The following CEP44 variants were observed in gnomAD, a reference collection of about 807,000 sequenced individuals.
The protein encoded by CEP44 is centrosomal protein of 44 kDa.
In CEP44, 45 loss-of-function variants were observed where a neutral mutation model predicts 46.7. That is an observed-to-expected ratio of 0.96 (90% CI 0.76 to 1.24). The LOEUF is 1.24. Ranked by LOEUF, CEP44 falls within the 50% of genes most tolerant of loss-of-function variation. The probability of loss-of-function intolerance (pLI) is 0.00; values close to 1 mark genes in which losing one functional copy is unlikely to be tolerated. For missense variants in CEP44, 475 were observed against 459.7 expected (o/e 1.03, Z -0.30); for synonymous variants, 142 against 146.0 (o/e 0.97, Z 0.20).
chr4:174,300,794 G>A (rs1340756159), intron 3 of CEP44, among the ~76,000 whole-genome samples: 7 of 151,758 alleles, frequency 4.6e-5, no homozygotes. Context: ...TTTTGTGTTG[G>A]CATCTGTTTT....
chr4:174,318,608 AT>A lies in CEP44; in HGVS notation c.*1233del, dbSNP rs1246140702. 43 of 707,880 alleles carry A rather than the reference AT, an allele frequency of 6.1e-5. No individual in the cohort carries two copies. The highest frequency in any genetic ancestry group is 6.9e-5 in the Non-Finnish European group (40 of 578,002). 43.8% of individuals were successfully genotyped at this position (707,880 alleles called of 1,614,324 possible). On this transcript the variant is annotated 3_prime_UTR_variant, in exon 12 of 12. Transcript: ENST00000503780. ...TTCATTATTTGGAAGGAAAATTAGT[AT>A]TTTTTTTAATATTATATGGACCATC...
downstream of CEP44, among the ~76,000 whole-genome samples, chr4:174,323,823 G>T (rs977463666): frequency 1.3e-5 from 2 of 152,056 alleles, no homozygotes; most frequent in Non-Finnish European, 2.9e-5. Flanking sequence ...GCCATTGGAG[G>T]CTCAGTGGAG....
chr4:174,303,817 A>G lies in CEP44; in HGVS notation c.352A>G (p.Lys118Glu). Residue 118 changes from lysine to glutamate, a missense_variant, in exon 5 of 12, where the codon AAA becomes GAA. By Grantham distance (56) the Lys-to-Glu change is moderately conservative. Coordinates refer to ENST00000503780, the MANE Select transcript of CEP44 (RefSeq NM_001040157.3). ...IVCDILNCVM[K>E]KHKELSSLQK... The stretch of plus-strand genomic sequence containing the variant: ...TTGTGATATTTTGAATTGTGTGATG[A>G]AAAAGCACAAGGAATTAAGCAGTCT... The G allele has an allele frequency of 6.4e-7, 1 of 1,572,584 alleles. No individual in the cohort carries two copies. Among genetic ancestry groups the G allele is most frequent in the Admixed American group, 1.7e-5 (1 of 59,510 alleles).
chr4:174,331,624 T>A lies in CEP44; in HGVS notation c.*29T>A. 6.5e-7 allele frequency: 1 copy of A among 1,547,016 alleles called. No homozygotes were observed. The highest frequency in any genetic ancestry group is 8.7e-7 in the Non-Finnish European group (1 of 1,144,482). On this transcript the variant is annotated 3_prime_UTR_variant, in exon 9 of 9. Coordinates refer to the CEP44 transcript ENST00000426172. This position sits in a 1 kb window ranked among gnomAD's most constrained non-coding sequence, Gnocchi z 4.5. ...CTGTTTCTTGGATCCTGTGCTTACC[T>A]TTTCCTGCTGTACTCTGATGTTTCA...
intron 10 of CEP44, 83 bp from the exon 11 acceptor site, chr4:174,316,447 C>T: frequency 7.2e-7 from 1 of 1,391,258 alleles, no homozygotes; most frequent in Non-Finnish European, 1.0e-6. Flanking sequence ...ATGTTTCAAA[C>T]TGTGTTTTGT....
At chr4:174,332,517 T>G (rs1457104407) in exon 9 of CEP44, 1 of 152,242 alleles carries the variant, frequency 6.6e-6, no homozygotes, top group Non-Finnish European at 1.5e-5. Context: ...TGACAACATA[T>G]AATTGTTTTC....
chr4:174,295,468 A>G (rs1484175773), intron 1 of CEP44, among the ~76,000 whole-genome samples: 4 of 131,898 alleles, frequency 3.0e-5, no homozygotes, highest in South Asian at 2.7e-4. Context: ...CCTAGATGGG[A>G]TGGCGGCCGG....
intron 8 of CEP44, among the ~76,000 whole-genome samples, chr4:174,327,154 C>CGT (rs746480265): frequency 3.5e-5 from 5 of 143,138 alleles, no homozygotes; most frequent in South Asian, 2.2e-4. Flanking sequence ...TGTGTGTATA[C>CGT]GTGTGTGTGT....
intron 8 of CEP44, among the ~76,000 whole-genome samples, chr4:174,328,537 T>C (rs1338631886): frequency 6.6e-6 from 1 of 152,196 alleles, no homozygotes; most frequent in Non-Finnish European, 1.5e-5. Context: ...AAGACAGTGT[T>C]TGAAATGCTG....
chr4:174,306,986 T>A (rs1046102625), intron 6 of CEP44, among the ~76,000 whole-genome samples: 2 of 152,128 alleles, frequency 1.3e-5, no homozygotes, highest in Non-Finnish European at 2.9e-5. Context: ...TGGAAAAACA[T>A]TCCATGCTCA....
downstream of CEP44, among the ~76,000 whole-genome samples, chr4:174,323,300 G>A (rs985848072): frequency 6.6e-6 from 1 of 152,066 alleles, no homozygotes; most frequent in African/African-American, 2.4e-5. Context: ...GGCCTTGAGA[G>A]GTTTTCCCCC....
chr4:174,319,964 T>C lies in CEP44; in HGVS notation c.*2581T>C. 1 of 985,234 alleles carries C rather than the reference T, an allele frequency of 1.0e-6. No individual in the cohort carries two copies. The highest frequency in any genetic ancestry group is 1.2e-6 in the Non-Finnish European group (1 of 829,738). 61.0% of individuals were successfully genotyped at this position (985,234 alleles called of 1,614,324 possible). A position where few individuals can be genotyped will look rare whatever the true frequency, so the allele number is the denominator to read the frequency against. ...TGAAGCAGGGGAGTTCTGAAGAGAT[T>C]ACCTAGAGCTACATAACCCTAAGTT... On this transcript the variant is annotated 3_prime_UTR_variant, in exon 12 of 12. Transcript: ENST00000503780.
In CEP44 at chr4:174,284,419, G is replaced by C. The variant is rs1737323484; in HGVS notation, c.-148+476G>C. Among the ~76,000 whole-genome samples the C allele has an allele frequency of 2.0e-5, 3 of 152,298 alleles. No individual in the cohort carries two copies. The South Asian group carries it at 6.2e-4, about 32-fold the overall frequency. On this transcript the variant is annotated intron_variant, in intron 1 of 11. Coordinates refer to ENST00000503780, the MANE Select transcript of CEP44 (RefSeq NM_001040157.3). ...CTTACTGATTCCTATTGGATCCTCT[G>C]GGGTGAGGATACAAACGGCTCCTGA...
intron 1 of CEP44, among the ~76,000 whole-genome samples, chr4:174,294,885 G>A (rs1168928344): frequency 7.2e-6 from 1 of 138,988 alleles, no homozygotes; most frequent in African/African-American, 2.7e-5. Flanking sequence ...CGGACGGGGC[G>A]GCTGGCCGGG....
chr4:174,327,446 G>A (rs1281291442), intron 8 of CEP44, among the ~76,000 whole-genome samples: 1 of 151,636 alleles, frequency 6.6e-6, no homozygotes, highest in African/African-American at 2.4e-5. Context: ...CAGAGTCTAA[G>A]ATTATACATA....
At chr4:174,295,193 G>C (rs1461736629) in intron 1 of CEP44, among the ~76,000 whole-genome samples, 2 of 151,922 alleles carry the variant, frequency 1.3e-5, no homozygotes, top group Admixed American at 1.3e-4. Flanking sequence ...TCCCAGACGG[G>C]GTGGCTGCCG....
In CEP44 at chr4:174,318,256, T is replaced by A. The variant is rs141015312; in HGVS notation, c.*873T>A. 1.3e-4 allele frequency: 107 copies of A among 818,898 alleles called. No individual in the cohort carries two copies. The East Asian group carries it at 0.012, about 91-fold the overall frequency. 50.7% of individuals were successfully genotyped at this position (818,898 alleles called of 1,614,324 possible). A position where few individuals can be genotyped will look rare whatever the true frequency, so the allele number is the denominator to read the frequency against. On this transcript the variant is annotated 3_prime_UTR_variant, in exon 12 of 12. Transcript: ENST00000503780. ...TTTTGTATTTTTATTAGAGACAGGG[T>A]TTCTCCGTGTTGGTCAGGCTGGTCT...
At position 174,288,285 on chromosome 4, in the gene CEP44, G is replaced by T. The variant is rs1285238938; in HGVS notation, c.-148+4342G>T. ...TACTCATCTTTTTTTCACGTTTTGT[G>T]ATAAGAGCACTTAACATTAGATCTA... On this transcript the variant is annotated intron_variant, in intron 1 of 11. Transcript: ENST00000503780. This position sits in a 1 kb window ranked among gnomAD's most constrained non-coding sequence, Gnocchi z 4.6. Among the ~76,000 whole-genome samples the T allele has an allele frequency of 6.6e-6, 1 of 152,084 alleles. No homozygotes were observed. Among genetic ancestry groups the T allele is most frequent in the Non-Finnish European group, 1.5e-5 (1 of 68,006 alleles).
In CEP44 at chr4:174,290,826, T is replaced by C. The variant is rs545967980; in HGVS notation, c.-148+6883T>C. 2.0e-5 allele frequency among the ~76,000 whole-genome samples: 3 copies of C among 152,358 alleles called. No homozygotes were observed. The highest frequency in any genetic ancestry group is 7.2e-5 in the African/African-American group (3 of 41,590). ...TGTTCACTGTATATTTTAAGGTGCT[T>C]TGATGTTGGGTGCATATGTATTTTT... On this transcript the variant is annotated intron_variant, in intron 1 of 11. Transcript: ENST00000503780. The surrounding 1 kb of genome is among the most constrained non-coding windows in gnomAD (Gnocchi z 4.3).
Sources: gnomAD v4.1 joint callset for allele counts (sites outside exome capture counted in the v4.1 genomes callset) on GRCh38, gnomAD v4.1.1 for gene constraint, Gnocchi (gnomAD v3.1) non-coding constraint, MANE v1.5 for transcripts, NCBI Gene and HGNC (gene_info 2026-07-23, HGNC 2026-07-21) for gene names.